The following GALNT18 variants were observed in gnomAD, a reference collection of about 807,000 sequenced individuals.
The protein encoded by GALNT18 is polypeptide N-acetylgalactosaminyltransferase 18, also known as GalNAc-transferase 18.
Under a neutral mutation model 69.5 loss-of-function variants are expected in GALNT18, and 44 were observed. That is an observed-to-expected ratio of 0.63 (90% confidence interval 0.50 to 0.81). The LOEUF (loss-of-function observed/expected upper bound fraction) is 0.81. GALNT18 is among the 40% of genes least tolerant of loss of function. GALNT18 has a pLI of 0.00. For synonymous variants in GALNT18, 364 were observed against 318.2 expected, an observed-to-expected ratio of 1.14 and a Z score of -1.53; for missense variants, 715 against 810.0, an observed-to-expected ratio of 0.88 and a Z score of 1.42.
At chr11:11,441,044 G>A (rs1855522633) in intron 2 of GALNT18, among the ~76,000 whole-genome samples, 1 of 152,142 alleles carries the variant, frequency 6.6e-6, no homozygotes, top group Non-Finnish European at 1.5e-5. Context: ...TCTCTTCTGG[G>A]TTGTCCTCCT....
chr11:11,331,336 C>T (rs569225079), intron 8 of GALNT18, among the ~76,000 whole-genome samples: 1 of 152,278 alleles, frequency 6.6e-6, no homozygotes, highest in East Asian at 1.9e-4. Context: ...CTCCTACAAT[C>T]TGGCCTTCTG....
chr11:11,472,320 G>A (rs1286036116), intron 1 of GALNT18, among the ~76,000 whole-genome samples: 6 of 152,188 alleles, frequency 3.9e-5, no homozygotes, highest in African/African-American at 1.2e-4. Flanking sequence ...GGGGTCACAC[G>A]GGGACAGGGG....
At chr11:11,548,442 C>T (rs1432028473) in intron 1 of GALNT18, among the ~76,000 whole-genome samples, 1 of 152,208 alleles carries the variant, frequency 6.6e-6, no homozygotes, top group African/African-American at 2.4e-5. Context: ...CTCCATCCAA[C>T]ACAAAGACCT....
In GALNT18 at chr11:11,614,274, C is replaced by A. The variant is rs1157956141; in HGVS notation, c.235+7085G>T. Among the ~76,000 whole-genome samples, 1 of 151,740 alleles carries A rather than the reference C, an allele frequency of 6.6e-6. No individual in the cohort carries two copies. The highest frequency in any genetic ancestry group is 1.5e-5 in the Non-Finnish European group (1 of 67,990). On this transcript the variant is annotated intron_variant, in intron 1 of 10. Coordinates refer to ENST00000227756, the MANE Select transcript of GALNT18 (RefSeq NM_198516.3). The surrounding 1 kb of genome is among the most constrained non-coding windows in gnomAD (Gnocchi z 5.6). ...GGGGAGACTCCAGGAAGCTTACAAT[C>A]ACAGCAGAAGGTAACAGGGAAGCAG...
chr11:11,597,609 A>G (rs1235554908), intron 1 of GALNT18, among the ~76,000 whole-genome samples: 1 of 151,332 alleles, frequency 6.6e-6, no homozygotes, highest in Non-Finnish European at 1.5e-5. Context: ...CTTTATTTCT[A>G]AGGTCAGTTG....
At chr11:11,295,886 A>AG (rs1207154897) in intron 9 of GALNT18, among the ~76,000 whole-genome samples, 1 of 152,200 alleles carries the variant, frequency 6.6e-6, no homozygotes, top group African/African-American at 2.4e-5. Flanking sequence ...ACAAGAGGCA[A>AG]GGGGAGCCTC....
At chr11:11,514,775 G>A (rs936487151) in intron 1 of GALNT18, among the ~76,000 whole-genome samples, 3 of 152,214 alleles carry the variant, frequency 2.0e-5, no homozygotes, top group Non-Finnish European at 4.4e-5. Flanking sequence ...CTGAGTGGCA[G>A]CAGAGGCAGG....
At chr11:11,353,794 TC>T (rs1850471017) in intron 6 of GALNT18, among the ~76,000 whole-genome samples, 1 of 152,084 alleles carries the variant, frequency 6.6e-6, no homozygotes, top group Admixed American at 6.5e-5. Context: ...CTTTCTGAAA[TC>T]CAGGGTAGAT....
rs1388394076 is a variant in GALNT18, at chr11:11,497,370, A to ACACCCC, written c.236-48435_236-48434insGGGGTG. On this transcript the variant is annotated intron_variant, in intron 1 of 10. Transcript: ENST00000227756. This position sits in a 1 kb window ranked among gnomAD's most constrained non-coding sequence, Gnocchi z 4.2. ...CACACACACACACACACACACACAC[A>ACACCCC]CCCCTTAGAATGGGGCTCCTTAAGA... Among the ~76,000 whole-genome samples, 7 of 134,716 alleles carry ACACCCC rather than the reference A, an allele frequency of 5.2e-5. No homozygotes were observed. The highest frequency in any genetic ancestry group is 1.1e-4 in the Non-Finnish European group (7 of 63,842). The allele number at this position is 134,716 out of a possible 152,430, so 88.4% of individuals were successfully genotyped here.
intron 6 of GALNT18, among the ~76,000 whole-genome samples, chr11:11,362,946 G>A (rs1850676833): frequency 6.6e-6 from 1 of 152,162 alleles, no homozygotes; most frequent in African/African-American, 2.4e-5. Flanking sequence ...ACTATAAAAT[G>A]TTTACGCATT....
In GALNT18 at chr11:11,341,906, G is replaced by C. The variant is rs1285286502; in HGVS notation, c.1093-902C>G. On this transcript the variant is annotated intron_variant, in intron 6 of 10. Coordinates refer to ENST00000227756, the MANE Select transcript of GALNT18 (RefSeq NM_198516.3). The surrounding 1 kb of genome is among the most constrained non-coding windows in gnomAD (Gnocchi z 6.3). ...GGAGGCTAAGGTGGGAGAATCGCTTGAGCCCAGGAGTGTGAGACAAGCCTG... is the reference window on the plus strand; with the variant it reads ...GGAGGCTAAGGTGGGAGAATCGCTTCAGCCCAGGAGTGTGAGACAAGCCTG... Among the ~76,000 whole-genome samples, 1 of 152,110 alleles carries C rather than the reference G, an allele frequency of 6.6e-6. No homozygotes were observed.
intron 1 of GALNT18, among the ~76,000 whole-genome samples, chr11:11,557,871 T>G (rs1590097471): frequency 6.6e-6 from 1 of 152,194 alleles, no homozygotes; most frequent in Non-Finnish European, 1.5e-5. Context: ...TCCGTGTACA[T>G]CCACTGAGTT....
intron 10 of GALNT18, among the ~76,000 whole-genome samples, chr11:11,285,959 A>G (rs1035048251): frequency 6.6e-6 from 1 of 152,220 alleles, no homozygotes; most frequent in Non-Finnish European, 1.5e-5. Context: ...TCTTCTGGGC[A>G]GTCTCATCTA....
chr11:11,410,022 C>T (rs769720403), intron 3 of GALNT18, among the ~76,000 whole-genome samples: 6 of 152,204 alleles, frequency 3.9e-5, no homozygotes, highest in Non-Finnish European at 8.8e-5. Context: ...ACAGCATGGG[C>T]TGGGCACCCT....
At position 11,293,057 on chromosome 11, in the gene GALNT18, C is replaced by G. The variant is rs1300449285; in HGVS notation, c.1649G>C (p.Arg550Thr). 7.2e-7 allele frequency: 1 copy of G among 1,389,666 alleles called. No homozygotes were observed. The highest frequency in any genetic ancestry group is 1.5e-5 in the African/African-American group (1 of 67,222). The allele number at this position is 1,389,666 out of a possible 1,614,324, so 86.1% of individuals were successfully genotyped here. The change falls in exon 10 of 11, where the codon AGG (arginine) becomes ACG (threonine). Residue 550 changes from arginine to threonine, a missense_variant. Transcript: ENST00000227756. ...AGAGAACTGCCAGTGAAGCTTCATC[C>G]TCTTGGCTTTGGCGTAGCTGCATTC... ...LIECSYAKAK[R>T]MKLHWQFSQG...
rs563953339 is a variant in GALNT18, at chr11:11,555,826, T to C, written c.235+65533A>G. Among the ~76,000 whole-genome samples, 2 of 152,262 alleles carry C rather than the reference T, an allele frequency of 1.3e-5. No homozygotes were observed. The highest frequency in any genetic ancestry group is 1.9e-4 in the East Asian group (1 of 5,174). On this transcript the variant is annotated intron_variant, in intron 1 of 10. Coordinates refer to ENST00000227756, the MANE Select transcript of GALNT18 (RefSeq NM_198516.3). The surrounding 1 kb of genome is among the most constrained non-coding windows in gnomAD (Gnocchi z 4.7). Reference sequence around the variant, plus strand: ...GGGGATGCATCTCTACCAGACCAAGTGGACTCTGTCTCAAAGACATGGAAT... The same window carrying C: ...GGGGATGCATCTCTACCAGACCAAGCGGACTCTGTCTCAAAGACATGGAAT...
chr11:11,355,176 G>A (rs1270062907), intron 6 of GALNT18, among the ~76,000 whole-genome samples: 2 of 152,164 alleles, frequency 1.3e-5, no homozygotes, highest in African/African-American at 4.8e-5. Context: ...CTGCTTTAAT[G>A]CAGTTCAGCA....
At position 11,543,934 on chromosome 11, in the gene GALNT18, C is replaced by T. The variant is rs1340671282; in HGVS notation, c.235+77425G>A. ...CTCACTCCAGGCCCAAGCCAAGAAA[C>T]ATGAACAATAAAAAGCCAGTCCAGT... is the stretch of plus-strand genomic sequence containing the variant. On this transcript the variant is annotated intron_variant, in intron 1 of 10. Transcript: ENST00000227756. The surrounding 1 kb of genome is among the most constrained non-coding windows in gnomAD (Gnocchi z 5.1). Among the ~76,000 whole-genome samples, 5 of 152,338 alleles carry T rather than the reference C, an allele frequency of 3.3e-5. No homozygotes were observed. Among genetic ancestry groups the T allele is most frequent in the Middle Eastern group, 3.4e-3 (1 of 294 alleles).
chr11:11,522,442 T>C (rs117405884), intron 1 of GALNT18, among the ~76,000 whole-genome samples: 1 of 152,232 alleles, frequency 6.6e-6, no homozygotes, highest in East Asian at 1.9e-4. Context: ...CTTGATTTTT[T>C]GTAGTTGTTT....
Sources: gnomAD v4.1 joint callset for allele counts (sites outside exome capture counted in the v4.1 genomes callset) on GRCh38, gnomAD v4.1.1 for gene constraint, Gnocchi (gnomAD v3.1) non-coding constraint, MANE v1.5 for transcripts, NCBI Gene and HGNC (gene_info 2026-07-23, HGNC 2026-07-21) for gene names.